The following MYH13 variants were observed in gnomAD, a reference collection of about 807,000 sequenced individuals.
MYH13 encodes myosin-13.
MYH13 carries 177 observed loss-of-function variants against 232.1 expected under a neutral mutation model. The ratio of observed to expected loss-of-function variants is 0.76; its 90% CI spans 0.67 to 0.86. The LOEUF is 0.86. Among genes scored for constraint, MYH13 ranks in the 40% least tolerant of loss-of-function variants. The probability of loss-of-function intolerance (pLI) is 0.00; values close to 1 mark genes in which losing one functional copy is unlikely to be tolerated. For synonymous variants in MYH13, 884 were observed against 923.5 expected (o/e 0.96, Z 0.78); for missense variants, 2,246 against 2,405.9 (o/e 0.93, Z 1.39).
intron 18 of MYH13, among the ~76,000 whole-genome samples, chr17:10,337,566 G>A (rs2071585139): frequency 6.6e-6 from 1 of 152,168 alleles, no homozygotes; most frequent in Non-Finnish European, 1.5e-5. Flanking sequence ...GTAAGGCATG[G>A]AAATCTCCAT....
intron 7 of MYH13, 101 bp from the exon 8 acceptor site, chr17:10,357,928 A>G (rs528915786): frequency 1.1e-4 from 114 of 1,007,550 alleles, no homozygotes; most frequent in Non-Finnish European, 1.6e-4. Context: ...GTTCAGGTAG[A>G]GATGTCGACC....
intron 16 of MYH13, among the ~76,000 whole-genome samples, chr17:10,343,218 A>G (rs2071633273): frequency 6.8e-6 from 1 of 146,268 alleles, no homozygotes; most frequent in Non-Finnish European, 1.5e-5. Context: ...TTTTTTTTTT[A>G]ATAGAGTCTC....
chr17:10,361,069 G>A (rs896164974), intron 5 of MYH13, among the ~76,000 whole-genome samples: 1 of 152,086 alleles, frequency 6.6e-6, no homozygotes, highest in Non-Finnish European at 1.5e-5. Context: ...TATTGTGTAA[G>A]CCCCCCAGTC....
chr17:10,321,811 C>A (rs1053135412), intron 23 of MYH13, 103 bp from the exon 24 acceptor site: 3 of 1,074,256 alleles, frequency 2.8e-6, no homozygotes, highest in Non-Finnish European at 3.9e-6. Context: ...TTTCCCTTTT[C>A]TTTTTGGCTA....
At chr17:10,369,534 G>T (rs1190143071) in intron 2 of MYH13, among the ~76,000 whole-genome samples, 1 of 152,174 alleles carries the variant, frequency 6.6e-6, no homozygotes, top group Non-Finnish European at 1.5e-5. Flanking sequence ...TGACAGTATT[G>T]GTGTTAACAT....
chr17:10,301,741 C>G (rs373531029), intron 39 of MYH13, 38 bp from the exon 40 acceptor site: 63 of 1,607,236 alleles, frequency 3.9e-5, no homozygotes, highest in Non-Finnish European at 5.3e-5. Context: ...GCTGTAGAGC[C>G]TCTCAGTCCG....
At chr17:10,338,740 G>A (rs139283750) in intron 18 of MYH13, among the ~76,000 whole-genome samples, 8 of 135,562 alleles carry the variant, frequency 5.9e-5, no homozygotes, top group East Asian at 2.2e-4. Flanking sequence ...TCGCTCTGTC[G>A]CCCAGGCTGG....
Position 10,327,858 on chromosome 17 carries a change from GTAC to G in MYH13, c.2691+5_2691+7del. On this transcript the variant is annotated splice_donor_5th_base_variant and intron_variant, in intron 22 of 40. Coordinates refer to ENST00000252172, the MANE Select transcript of MYH13 (RefSeq NM_003802.3). The stretch of plus-strand genomic sequence containing the variant: ...TGTGTTTTGCGTTCTCAAGTAGAAG[GTAC>G]TTACAGACTGGACCTGCAATTGGAG... 6.2e-7 allele frequency: 1 copy of G among 1,609,688 alleles called. No individual in the cohort carries two copies.
chr17:10,312,134 T>A lies in MYH13; in HGVS notation c.4366-58A>T, dbSNP rs1906528403. 3 of 1,591,696 alleles carry A rather than the reference T, an allele frequency of 1.9e-6. No individual in the cohort carries two copies. The South Asian group carries it at 3.4e-5, about 18-fold the overall frequency. On this transcript the variant is annotated intron_variant, in intron 31 of 40. Coordinates refer to ENST00000252172, the MANE Select transcript of MYH13 (RefSeq NM_003802.3). ...GAAAGCAGGGGTGACTCAGAAGAGT[T>A]CATGCAAACAAGGGCTGTCAGTAAC...
rs144878685 is a variant in MYH13 at position 10,340,420 on chromosome 17, G to T, written c.1895-19C>A. 4.1e-5 allele frequency: 66 copies of T among 1,600,366 alleles called. 2 individuals carry two copies. The South Asian group carries it at 6.6e-4, about 16-fold the overall frequency. Reference sequence around the variant, plus strand: ...GAGTCGCCTGGAGACAGACACAGAAGAGCGTGTTAGATGCATCCCAGAGGA... The same window carrying T: ...GAGTCGCCTGGAGACAGACACAGAATAGCGTGTTAGATGCATCCCAGAGGA... On this transcript the variant is annotated intron_variant, in intron 16 of 40. Transcript: ENST00000252172.
chr17:10,323,887 C>G, intron 23 of MYH13, 135 bp downstream of exon 23: 3 of 1,200,728 alleles, frequency 2.5e-6, no homozygotes, highest in Non-Finnish European at 3.4e-6. Context: ...CTTAACTACC[C>G]TTCACCTTGA....
intron 39 of MYH13, among the ~76,000 whole-genome samples, chr17:10,302,134 T>A (rs919944340): frequency 6.6e-6 from 1 of 152,184 alleles, no homozygotes; most frequent in South Asian, 2.1e-4. Context: ...CAAGGATTCC[T>A]GACTAAAATG....
chr17:10,330,180 C>T (rs1164682463), intron 21 of MYH13, among the ~76,000 whole-genome samples: 1 of 152,134 alleles, frequency 6.6e-6, no homozygotes, highest in Non-Finnish European at 1.5e-5. Context: ...CTTCCCACTC[C>T]TTTGTGACCC....
At chr17:10,328,220 T>C in intron 21 of MYH13, 99 bp from the exon 22 acceptor site, 1 of 1,432,860 alleles carries the variant, frequency 7.0e-7, no homozygotes, top group Non-Finnish European at 9.5e-7. Flanking sequence ...TCTTTCTCGG[T>C]TAGGTGGGAA....
intron 8 of MYH13, 99 bp from the exon 9 acceptor site, chr17:10,355,246 A>G (rs2071740512): frequency 7.9e-7 from 1 of 1,267,416 alleles, no homozygotes; most frequent in African/African-American, 1.5e-5. Flanking sequence ...TATAAATGCA[A>G]AAATGCTAGA....
chr17:10,364,950 T>C (rs1444898508), intron 2 of MYH13, among the ~76,000 whole-genome samples: 1 of 152,076 alleles, frequency 6.6e-6, no homozygotes, highest in Non-Finnish European at 1.5e-5. Context: ...ATCTCGGCTC[T>C]GCAACCTCCG....
chr17:10,305,440 T>C (rs2142215808), intron 37 of MYH13, among the ~76,000 whole-genome samples: 1 of 152,318 alleles, frequency 6.6e-6, no homozygotes, highest in South Asian at 2.1e-4. Context: ...GGCCTTGTTG[T>C]TTTTAGCACC....
At chr17:10,352,053 A>G (rs1030492028) in intron 11 of MYH13, among the ~76,000 whole-genome samples, 1 of 152,162 alleles carries the variant, frequency 6.6e-6, no homozygotes, top group African/African-American at 2.4e-5. Flanking sequence ...TCCATATCCC[A>G]TTTCAGGGTT....
rs1413914788 is a variant in MYH13, at chr17:10,320,228, G to A, written c.3273C>T (p.Leu1091=). 6.2e-7 allele frequency: 1 copy of A among 1,604,418 alleles called. No individual in the cohort carries two copies. The highest frequency in any genetic ancestry group is 2.2e-5 in the East Asian group (1 of 44,700). The change falls in exon 26 of 41, where the codon CTC becomes CTT. Residue 1091 remains leucine, a synonymous_variant. Transcript: ENST00000252172. ...CATCTATTTTGGCTTGTAACTGACT[G>A]AGTTCAAACTCCTTCCTGCAAATAG... ...EEKLKKKEFE[L]SQLQAKIDDE...
Sources: allele counts gnomAD v4.1 joint callset (sites outside exome capture counted in the v4.1 genomes callset), GRCh38; gene constraint gnomAD v4.1.1; transcripts MANE v1.5; gene names NCBI Gene and HGNC (gene_info 2026-07-23, HGNC 2026-07-21).